The following WNK4 variants were observed in gnomAD, a reference collection of about 807,000 sequenced individuals.
WNK4 encodes the protein WNK lysine deficient protein kinase 4.
WNK4 carries 94 observed loss-of-function variants against 116.2 expected under a neutral mutation model. That is an observed-to-expected ratio of 0.81 (90% confidence interval 0.68 to 0.96). WNK4 has a LOEUF of 0.96. Ranked by LOEUF, WNK4 falls within the 40% of genes least tolerant of loss-of-function variation. WNK4 has a pLI of 0.00. For missense variants in WNK4, 1,542 were observed against 1,650.6 expected (o/e 0.93, Z 1.14); for synonymous variants, 655 against 672.7 (o/e 0.97, Z 0.41).
intron 11 of WNK4, among the ~76,000 whole-genome samples, chr17:42,792,591 T>A (rs58536893): frequency 0.074 from 11,207 of 152,232 alleles, 1,227 homozygotes; most frequent in African/African-American, 0.23. Context: ...ATATCTCACT[T>A]GTAAGTGCCT....
intron 11 of WNK4, among the ~76,000 whole-genome samples, chr17:42,791,964 AT>A (rs1170129037): frequency 2.6e-5 from 4 of 151,886 alleles, no homozygotes; most frequent in East Asian, 1.9e-4. Flanking sequence ...AAAAAAAAAA[AT>A]AATAATGTAC....
At chr17:42,783,499 T>G (rs2054506803) in intron 2 of WNK4, 2 of 298,508 alleles carry the variant, frequency 6.7e-6, no homozygotes, top group Non-Finnish European at 1.3e-5. Context: ...TCCTGGCACC[T>G]CCTCCCACCC....
intron 13 of WNK4, 41 bp from the exon 14 acceptor site, chr17:42,794,731 G>A: frequency 1.2e-6 from 2 of 1,613,880 alleles, no homozygotes; most frequent in Non-Finnish European, 1.7e-6. Context: ...GAAGGGCATA[G>A]GGCATGTGGG....
intron 2 of WNK4, 85 bp from the exon 3 acceptor site, chr17:42,783,852 C>A: frequency 7.6e-7 from 1 of 1,308,698 alleles, no homozygotes; most frequent in Non-Finnish European, 1.1e-6. Context: ...CAGCAGGGTG[C>A]GGCAGGGGGG....
rs771445340 is a variant in WNK4, at chr17:42,781,087, C to T, written c.389C>T (p.Ser130Phe). 2.9e-5 allele frequency: 46 copies of T among 1,613,320 alleles called. No individual in the cohort carries two copies. Among genetic ancestry groups the T allele is most frequent in the Non-Finnish European group, 3.6e-5 (43 of 1,179,780 alleles). Residue 130 changes from serine to phenylalanine, a missense_variant, in exon 1 of 19, where the codon TCT becomes TTT. Physicochemically the swap from Ser to Phe is radical, Grantham distance 155. Coordinates refer to ENST00000246914, the MANE Select transcript of WNK4 (RefSeq NM_032387.5). ...TCCGCGCGTCCCGAGCTCCCGGACTCTGCAGTGGGCCCGGGGTCCAGGGAG... is the reference window on the plus strand; with the variant it reads ...TCCGCGCGTCCCGAGCTCCCGGACTTTGCAGTGGGCCCGGGGTCCAGGGAG... The part of the protein sequence containing the change: ...EDSARPELPD[S>F]AVGPGSREPL...
chr17:42,784,708 C>A lies in WNK4; in HGVS notation c.1170+129C>A. On this transcript the variant is annotated intron_variant, in intron 4 of 18. Coordinates refer to ENST00000246914, the MANE Select transcript of WNK4 (RefSeq NM_032387.5). This position sits in a 1 kb window ranked among gnomAD's most constrained non-coding sequence, Gnocchi z 4.4. ...CTAGACACAGAGTCGCCTTGGTGAA[C>A]ACAGAAGGATATTGAGTGCACACGC... 1.6e-6 allele frequency: 2 copies of A among 1,228,146 alleles called. No individual in the cohort carries two copies. The highest frequency in any genetic ancestry group is 2.3e-6 in the Non-Finnish European group (2 of 863,134). 76.1% of individuals were successfully genotyped at this position (1,228,146 alleles called of 1,614,324 possible).
At chr17:42,793,356 G>A (rs2054625233) in intron 11 of WNK4, among the ~76,000 whole-genome samples, 2 of 152,130 alleles carry the variant, frequency 1.3e-5, no homozygotes, top group South Asian at 4.1e-4. Context: ...GATTACAGGT[G>A]CCCGCCATCA....
At chr17:42,785,028 G>T in intron 4 of WNK4, 69 bp from the exon 5 acceptor site, 1 of 1,497,240 alleles carries the variant, frequency 6.7e-7, no homozygotes, top group Non-Finnish European at 9.2e-7. Context: ...GGAGTAAGGG[G>T]TGGGGGGTGG....
At chr17:42,787,735 CCTTTT>C in intron 7 of WNK4, 38 bp from the exon 8 acceptor site, 2 of 1,607,380 alleles carry the variant, frequency 1.2e-6, no homozygotes, top group Non-Finnish European at 1.7e-6. Flanking sequence ...GCCACTATTC[CCTTTT>C]ATTTCCCCTT....
chr17:42,793,665 T>A lies in WNK4; in HGVS notation c.2231T>A (p.Val744Glu), dbSNP rs1432942872. The change falls in exon 12 of 19, where the codon GTG becomes GAG. Residue 744 changes from valine to glutamate, a missense_variant. Transcript: ENST00000246914. ...CGGATTCGGGAGATTATCCAGCGAG[T>A]GGAGACCCTGTTGAAGAGAGACACT... ...LRRIREIIQR[V>E]ETLLKRDTGP... 2 of 1,613,830 alleles carry A rather than the reference T, an allele frequency of 1.2e-6. No individual in the cohort carries two copies. Among genetic ancestry groups the A allele is most frequent in the African/African-American group, 2.7e-5 (2 of 74,934 alleles).
chr17:42,795,356 C>T lies in WNK4; in HGVS notation c.2935C>T (p.Pro979Ser). The change falls in exon 14 of 19, where the codon CCC becomes TCC. Residue 979 changes from proline (P) to serine (S), a missense_variant. Pro to Ser is a moderately conservative substitution (Grantham distance 74). Coordinates refer to ENST00000246914, the MANE Select transcript of WNK4 (RefSeq NM_032387.5). ...TCCTGGTGGCCAGGAAAGCCCTTCACCCCACACAGCTGAGGTGGAGAGTGA... is the reference window on the plus strand; with the variant it reads ...TCCTGGTGGCCAGGAAAGCCCTTCATCCCACACAGCTGAGGTGGAGAGTGA... ...VAPGGQESPSPHTAEVESEAS... is the reference protein window; with the variant it reads ...VAPGGQESPSSHTAEVESEAS... The T allele has an allele frequency of 1.9e-6, 3 of 1,614,098 alleles. No individual in the cohort carries two copies. The highest frequency in any genetic ancestry group is 3.3e-4 in the Middle Eastern group (2 of 6,062).
chr17:42,783,869 C>T, intron 2 of WNK4, 68 bp from the exon 3 acceptor site: 1 of 1,482,628 alleles, frequency 6.7e-7, no homozygotes, highest in Non-Finnish European at 9.2e-7. Flanking sequence ...GGGGAACTTC[C>T]CAGTGGGGGG....
chr17:42,780,704 G>T lies in WNK4; in HGVS notation c.6G>T (p.Leu2Phe). 1 of 1,608,194 alleles carries T rather than the reference G, an allele frequency of 6.2e-7. No individual in the cohort carries two copies. The highest frequency in any genetic ancestry group is 8.5e-7 in the Non-Finnish European group (1 of 1,179,502). ...TCGGCGCCCTGCTCTTCCTCATGTT[G>T]GCATCCCCGGCCACGGAGACCACCG... is the stretch of plus-strand genomic sequence containing the variant. MLASPATETTVL... is the reference protein window; with the variant it reads MFASPATETTVL... The change falls in exon 1 of 19, where the codon TTG becomes TTT. Residue 2 changes from leucine to phenylalanine, a missense_variant. Leu to Phe is a conservative substitution (Grantham distance 22). Coordinates refer to ENST00000246914, the MANE Select transcript of WNK4 (RefSeq NM_032387.5).
chr17:42,791,458 G>A (rs1178916827), intron 11 of WNK4, among the ~76,000 whole-genome samples: 1 of 151,664 alleles, frequency 6.6e-6, no homozygotes, highest in Non-Finnish European at 1.5e-5. Context: ...GACCAACATG[G>A]AGAAACCCCG....
chr17:42,783,746 AAC>A, intron 2 of WNK4, 189 bp from the exon 3 acceptor site: 1 of 625,306 alleles, frequency 1.6e-6, no homozygotes, highest in Non-Finnish European at 2.8e-6. Flanking sequence ...CCCGTTTGGT[AAC>A]GTCATGTCTA....
At chr17:42,781,364 G>A in intron 1 of WNK4, 48 bp downstream of exon 1, 1 of 1,613,192 alleles carries the variant, frequency 6.2e-7, no homozygotes, top group Non-Finnish European at 8.5e-7. Context: ...GGACTCTGGA[G>A]GTCTTAGGAT....
Position 42,795,134 on chromosome 17 carries a change from T to C in WNK4, c.2713T>C (p.Phe905Leu), listed in dbSNP as rs765633775. 1 of 1,614,014 alleles carries C rather than the reference T, an allele frequency of 6.2e-7. No homozygotes were observed. The highest frequency in any genetic ancestry group is 1.7e-5 in the Admixed American group (1 of 60,012). ...TCSQVTLSSP[F>L]FPPCPSTSSF... Reference sequence around the variant, plus strand: ...TTCTCAGGTCACTCTTAGTTCCCCTTTCTTTCCTCCGTGCCCCTCCACTTC... The same window carrying C: ...TTCTCAGGTCACTCTTAGTTCCCCTCTCTTTCCTCCGTGCCCCTCCACTTC... The change falls in exon 14 of 19, where the codon TTC becomes CTC. Residue 905 changes from phenylalanine (F) to leucine (L), a missense_variant. Around this residue, in one of 7 missense-constraint regions of WNK4, gnomAD observed 292 missense variants for 290.1 expected, o/e 1.01. Transcript: ENST00000246914.
chr17:42,787,928 A>G, intron 8 of WNK4, 29 bp downstream of exon 8: 1 of 1,604,040 alleles, frequency 6.2e-7, no homozygotes. Context: ...GGGGGCTCCC[A>G]GCCATTCCAA....
chr17:42,795,315 T>C lies in WNK4; in HGVS notation c.2894T>C (p.Leu965Pro), dbSNP rs1189277397. The C allele has an allele frequency of 3.7e-6, 6 of 1,613,368 alleles. No homozygotes were observed. The highest frequency in any genetic ancestry group is 5.1e-6 in the Non-Finnish European group (6 of 1,179,864). Residue 965 changes from leucine (L) to proline (P), a missense_variant, in exon 14 of 19, where the codon CTT becomes CCT. By Grantham distance (98) the Leu-to-Pro change is moderately conservative. This residue lies in a region of WNK4 where 292 missense variants were observed against 290.1 expected (regional missense o/e 1.01). Transcript: ENST00000246914. ...APPSPLPSLP[L>P]PPPVAPGGQE... ...CCTAGTCCCCTCCCTAGCCTGCCCC[T>C]TCCCCCTCCCGTTGCTCCTGGTGGC... is the stretch of plus-strand genomic sequence containing the variant.
Sources: gnomAD v4.1 joint callset for allele counts (sites outside exome capture counted in the v4.1 genomes callset) on GRCh38, gnomAD v4.1.1 for gene constraint, gnomAD v4.1.1 regional missense constraint, Gnocchi (gnomAD v3.1) non-coding constraint, MANE v1.5 for transcripts, NCBI Gene and HGNC (gene_info 2026-07-23, HGNC 2026-07-21) for gene names.